The following CLSTN2 variants were observed in gnomAD, a reference collection of about 807,000 sequenced individuals.
CLSTN2 encodes the protein calsyntenin-2.
Under a neutral mutation model 101.2 loss-of-function variants are expected in CLSTN2, and 48 were observed. The observed-to-expected ratio is 0.47, with a 90% CI of 0.38 to 0.60. CLSTN2 has a LOEUF of 0.60. CLSTN2 is among the 20% of genes least tolerant of loss of function. The pLI is 0.00. For missense variants in CLSTN2, 1,160 were observed against 1,238.2 expected (o/e 0.94, Z 0.95); for synonymous variants, 481 against 463.6 (o/e 1.04, Z -0.48).
chr3:140,516,846 C>A (rs2107771182), intron 8 of CLSTN2, among the ~76,000 whole-genome samples: 1 of 152,256 alleles, frequency 6.6e-6, no homozygotes, highest in South Asian at 2.1e-4. Flanking sequence ...CCAAGGTGTT[C>A]TTTGAGCTTT....
chr3:140,192,472 G>A (rs2010581770), intron 2 of CLSTN2, among the ~76,000 whole-genome samples: 1 of 151,692 alleles, frequency 6.6e-6, no homozygotes, highest in Admixed American at 6.6e-5. Context: ...ATATTTTGCA[G>A]CTCTGTTGTT....
chr3:139,958,033 C>G (rs1455171817), intron 1 of CLSTN2, among the ~76,000 whole-genome samples: 1 of 152,174 alleles, frequency 6.6e-6, no homozygotes, highest in African/African-American at 2.4e-5. Context: ...TGATATTGAT[C>G]CATCCTGCAG....
intron 13 of CLSTN2, 68 bp downstream of exon 13, chr3:140,562,376 T>G (rs1935934658): frequency 7.0e-7 from 1 of 1,432,506 alleles, no homozygotes; most frequent in African/African-American, 1.4e-5. Context: ...CAGGGAGACA[T>G]GAGTGAGATT....
intron 1 of CLSTN2, among the ~76,000 whole-genome samples, chr3:140,038,875 T>C (rs2007709973): frequency 6.6e-6 from 1 of 152,218 alleles, no homozygotes; most frequent in Non-Finnish European, 1.5e-5. Flanking sequence ...TTGTTATTAG[T>C]TAAAGTGATC....
intron 1 of CLSTN2, among the ~76,000 whole-genome samples, chr3:140,170,457 C>T (rs1048928262): frequency 2.5e-4 from 38 of 152,128 alleles, no homozygotes; most frequent in Non-Finnish European, 2.6e-4. Context: ...TTCTTACTTT[C>T]CAAAATGAGA....
intron 1 of CLSTN2, among the ~76,000 whole-genome samples, chr3:139,955,639 A>C (rs545939250): frequency 1.9e-4 from 1 of 5,202 alleles, no homozygotes; most frequent in Admixed American, 7.2e-3. Flanking sequence ...ACTTCTGTGG[A>C]TTCAGCTGAG....
chr3:140,258,529 G>A lies in CLSTN2; in HGVS notation c.232+82456G>A, dbSNP rs149145273. 4.5e-3 allele frequency among the ~76,000 whole-genome samples: 693 copies of A among 152,316 alleles called. 2 individuals are homozygous for A. The highest frequency in any genetic ancestry group is 0.015 in the African/African-American group (643 of 41,572). On this transcript the variant is annotated intron_variant, in intron 2 of 16. Transcript: ENST00000458420. ...GCAGTGAATGTGTCACAATGAGAATGAGAAGTCATGTTTTTGATAGGAAGT... is the reference window on the plus strand; with the variant it reads ...GCAGTGAATGTGTCACAATGAGAATAAGAAGTCATGTTTTTGATAGGAAGT...
chr3:140,107,859 T>G (rs2009087589), intron 1 of CLSTN2, among the ~76,000 whole-genome samples: 1 of 152,190 alleles, frequency 6.6e-6, no homozygotes, highest in South Asian at 2.1e-4. Flanking sequence ...CTCACAAGAC[T>G]GCAGAGACAT....
chr3:139,959,874 T>C (rs1187486071), intron 1 of CLSTN2, among the ~76,000 whole-genome samples: 1 of 152,150 alleles, frequency 6.6e-6, no homozygotes, highest in Non-Finnish European at 1.5e-5. Context: ...GATTATCTTA[T>C]CCCACAAACC....
chr3:140,459,724 G>A lies in CLSTN2; in HGVS notation c.1177G>A (p.Val393Met), dbSNP rs772994238. The A allele has an allele frequency of 6.2e-7, 1 of 1,614,170 alleles. No individual in the cohort carries two copies. Among genetic ancestry groups the A allele is most frequent in the South Asian group, 1.1e-5 (1 of 91,076 alleles). The change falls in exon 7 of 17, where the codon GTG becomes ATG. Residue 393 changes from valine to methionine, a missense_variant. By Grantham distance (21) the Val-to-Met change is conservative. Transcript: ENST00000458420. ...GATGAAACACGGCCCCAGCCCTGGT[G>A]TGAGAGCCGAGAAGGAAACCATCCT... Reference protein sequence around the residue: ...MWMKHGPSPGVRAEKETILCN... With the variant: ...MWMKHGPSPGMRAEKETILCN...
intron 1 of CLSTN2, among the ~76,000 whole-genome samples, chr3:139,988,591 C>CA (rs921659720): frequency 2.0e-5 from 3 of 152,202 alleles, no homozygotes; most frequent in Non-Finnish European, 4.4e-5. Flanking sequence ...AGTAAACAGA[C>CA]ATCTGGAGAA....
At chr3:140,557,782 T>C (rs1390662885) in intron 11 of CLSTN2, among the ~76,000 whole-genome samples, 1 of 151,962 alleles carries the variant, frequency 6.6e-6, no homozygotes, top group Non-Finnish European at 1.5e-5. Flanking sequence ...GGCTCTGGGG[T>C]CCCCCGTTGT....
chr3:140,539,669 C>T (rs929411306), intron 9 of CLSTN2, among the ~76,000 whole-genome samples: 1 of 152,178 alleles, frequency 6.6e-6, no homozygotes, highest in Non-Finnish European at 1.5e-5. Context: ...CTGAGTTGTA[C>T]GCAGCCAGTG....
At chr3:139,947,826 A>G (rs1935236615) in intron 1 of CLSTN2, among the ~76,000 whole-genome samples, 1 of 150,222 alleles carries the variant, frequency 6.7e-6, no homozygotes, top group Admixed American at 6.8e-5. Context: ...AGTCATAAAT[A>G]AAGCATTTTT....
chr3:140,080,107 G>A (rs1189564872), intron 1 of CLSTN2, among the ~76,000 whole-genome samples: 1 of 152,176 alleles, frequency 6.6e-6, no homozygotes, highest in Non-Finnish European at 1.5e-5. Context: ...TGAGGCCAGA[G>A]TTCATACCCC....
chr3:140,366,535 G>T (rs910302845), intron 2 of CLSTN2, among the ~76,000 whole-genome samples: 17 of 152,350 alleles, frequency 1.1e-4, no homozygotes, highest in African/African-American at 4.1e-4. Context: ...GGACCCGCTT[G>T]TATAGGGCCC....
chr3:139,980,322 C>T, intron 1 of CLSTN2, among the ~76,000 whole-genome samples: 1 of 152,148 alleles, frequency 6.6e-6, no homozygotes, highest in East Asian at 1.9e-4. Flanking sequence ...ACTCCTGCCT[C>T]AGGGCCTTTG....
intron 2 of CLSTN2, among the ~76,000 whole-genome samples, chr3:140,195,028 A>G (rs2010624881): frequency 6.6e-6 from 1 of 152,186 alleles, no homozygotes; most frequent in Non-Finnish European, 1.5e-5. Context: ...TGAAAGTTCT[A>G]GCTTCCTTCT....
At chr3:139,991,549 TG>T (rs1936114662) in intron 1 of CLSTN2, among the ~76,000 whole-genome samples, 1 of 152,218 alleles carries the variant, frequency 6.6e-6, no homozygotes. Context: ...CATAGAGTGA[TG>T]TTAAATTGCA....
Sources: allele counts gnomAD v4.1 joint callset (sites outside exome capture counted in the v4.1 genomes callset), GRCh38; gene constraint gnomAD v4.1.1; transcripts MANE v1.5; gene names NCBI Gene and HGNC (gene_info 2026-07-23, HGNC 2026-07-21).